Variants in ASCC3 observed in about 807,000 individuals in gnomAD.
ASCC3 encodes ASC-1 complex subunit P200.
Under a neutral mutation model 256.3 loss-of-function variants are expected in ASCC3, and 158 were observed. That is an observed-to-expected ratio of 0.62 (90% CI 0.54 to 0.70). The LOEUF (loss-of-function observed/expected upper bound fraction) is 0.70. Ranked by LOEUF, ASCC3 falls within the 30% of genes least tolerant of loss-of-function variation. The pLI, the probability that ASCC3 is intolerant of heterozygous loss-of-function variation, is 0.00. For missense variants in ASCC3, 2,259 were observed against 2,626.0 expected (o/e 0.86, Z 3.05); for synonymous variants, 948 against 883.4 (o/e 1.07, Z -1.30).
intron 13 of ASCC3, among the ~76,000 whole-genome samples, chr6:100,698,877 CT>C (rs983687180): frequency 1.3e-5 from 2 of 152,204 alleles, no homozygotes; most frequent in African/African-American, 4.8e-5. Context: ...TTTTGCCCCC[CT>C]GATCTTATAA....
At chr6:100,683,471 C>A (rs1017210817) in intron 13 of ASCC3, among the ~76,000 whole-genome samples, 4 of 149,964 alleles carry the variant, frequency 2.7e-5, no homozygotes, top group Non-Finnish European at 5.9e-5. Context: ...TAAAATAAAC[C>A]CTTTTTTTTA....
At chr6:100,535,473 T>TC (rs956852320) in intron 37 of ASCC3, among the ~76,000 whole-genome samples, 1 of 145,550 alleles carries the variant, frequency 6.9e-6, no homozygotes, top group Non-Finnish European at 1.5e-5. Context: ...CGTGTTTTTT[T>TC]TTTTTTTTTT....
intron 36 of ASCC3, among the ~76,000 whole-genome samples, chr6:100,562,342 C>T (rs1446438029): frequency 6.6e-6 from 1 of 152,052 alleles, no homozygotes; most frequent in Non-Finnish European, 1.5e-5. Flanking sequence ...GGAAATTCCT[C>T]TAGGCTTCTA....
intron 13 of ASCC3, among the ~76,000 whole-genome samples, chr6:100,681,387 T>C (rs891714084): frequency 1.3e-5 from 2 of 152,138 alleles, no homozygotes; most frequent in African/African-American, 2.4e-5. Flanking sequence ...ATCAGAGCTC[T>C]AACTTATTTA....
chr6:100,734,694 C>T (rs571843805), intron 10 of ASCC3, among the ~76,000 whole-genome samples: 3 of 152,276 alleles, frequency 2.0e-5, no homozygotes, highest in African/African-American at 7.2e-5. Context: ...ACTACTACCA[C>T]TATTTTGGGC....
chr6:100,681,388 A>T (rs1167551513), intron 13 of ASCC3, among the ~76,000 whole-genome samples: 6 of 152,294 alleles, frequency 3.9e-5, no homozygotes, highest in Admixed American at 3.9e-4. Flanking sequence ...TCAGAGCTCT[A>T]ACTTATTTAC....
chr6:100,556,248 C>T (rs1208173351), intron 36 of ASCC3, among the ~76,000 whole-genome samples: 2 of 152,056 alleles, frequency 1.3e-5, no homozygotes, highest in Non-Finnish European at 2.9e-5. Context: ...TTAAGAAATA[C>T]ATACACAAAA....
intron 23 of ASCC3, 74 bp downstream of exon 23, chr6:100,643,957 A>G: frequency 9.9e-7 from 1 of 1,005,722 alleles, no homozygotes; most frequent in South Asian, 1.4e-5. Flanking sequence ...ATTACAGAGA[A>G]ATAAAAGCAG....
In ASCC3 at chr6:100,509,574, G is replaced by T. The variant is rs201401043; in HGVS notation, c.6462-41C>A. On this transcript the variant is annotated intron_variant, in intron 41 of 41. Coordinates refer to ENST00000369162, the MANE Select transcript of ASCC3 (RefSeq NM_006828.4). ...AGAAGAAAAATGTAAAACCACTTTT[G>T]TAATCACAATCATATTTAATTCTTT... The T allele has an allele frequency of 5.2e-5, 81 of 1,550,982 alleles. 1 individual carries two copies. Among genetic ancestry groups the T allele is most frequent in the Middle Eastern group, 2.1e-4 (1 of 4,852 alleles).
At chr6:100,602,539 T>C (rs114233768) in intron 33 of ASCC3, among the ~76,000 whole-genome samples, 1 of 151,908 alleles carries the variant, frequency 6.6e-6, no homozygotes, top group African/African-American at 2.4e-5. Flanking sequence ...AGAAGAGATA[T>C]CTTGCAGAGG....
At chr6:100,725,129 T>A (rs1272860936) in intron 11 of ASCC3, among the ~76,000 whole-genome samples, 1 of 151,912 alleles carries the variant, frequency 6.6e-6, no homozygotes, top group Admixed American at 6.6e-5. Flanking sequence ...CAAGAGAATA[T>A]GAATAAAAGA....
chr6:100,553,820 A>G (rs1367927379), intron 36 of ASCC3, among the ~76,000 whole-genome samples: 2 of 152,144 alleles, frequency 1.3e-5, no homozygotes, highest in Non-Finnish European at 2.9e-5. Flanking sequence ...TACAAATGCC[A>G]TAAACTCAGC....
intron 5 of ASCC3, among the ~76,000 whole-genome samples, chr6:100,801,855 T>C (rs116332974): frequency 0.016 from 2,386 of 151,132 alleles, 67 homozygotes; most frequent in African/African-American, 0.055. Context: ...TCTGCAAAAT[T>C]ACACAATCAG....
At chr6:100,713,772 T>C (rs1778968538) in intron 13 of ASCC3, among the ~76,000 whole-genome samples, 1 of 151,972 alleles carries the variant, frequency 6.6e-6, no homozygotes. Context: ...CTGAATCTTT[T>C]TGATATTCCC....
chr6:100,699,527 T>C (rs982743064), intron 13 of ASCC3, among the ~76,000 whole-genome samples: 3 of 151,466 alleles, frequency 2.0e-5, no homozygotes, highest in African/African-American at 7.2e-5. Context: ...TACAGTAAAT[T>C]TGTACCAGTA....
chr6:100,656,158 T>G (rs1775905557), intron 16 of ASCC3, among the ~76,000 whole-genome samples: 1 of 151,720 alleles, frequency 6.6e-6, no homozygotes, highest in Non-Finnish European at 1.5e-5. Context: ...TATTTTAGTT[T>G]CATTTTATGT....
intron 3 of ASCC3, among the ~76,000 whole-genome samples, chr6:100,852,040 C>T (rs1293605070): frequency 6.6e-6 from 1 of 152,210 alleles, no homozygotes; most frequent in Admixed American, 6.5e-5. Flanking sequence ...GCTGTTAGCA[C>T]GCTGCCCAGA....
At chr6:100,644,004 A>G in intron 23 of ASCC3, 27 bp downstream of exon 23, 4 of 1,448,780 alleles carry the variant, frequency 2.8e-6, no homozygotes, top group Non-Finnish European at 2.9e-6. Context: ...ATAGCAAATA[A>G]GGATATATTC....
At chr6:100,695,901 A>C (rs139451264) in intron 13 of ASCC3, among the ~76,000 whole-genome samples, 1 of 152,154 alleles carries the variant, frequency 6.6e-6, no homozygotes, top group Admixed American at 6.5e-5. Context: ...CTGTACCCTG[A>C]CCCAGGTGTC....
Sources: allele counts gnomAD v4.1 joint callset (sites outside exome capture counted in the v4.1 genomes callset), GRCh38; gene constraint gnomAD v4.1.1; transcripts MANE v1.5; gene names NCBI Gene and HGNC (gene_info 2026-07-23, HGNC 2026-07-21).